TJP2: variants seen among roughly 807,000 people sequenced by gnomAD.
TJP2 encodes the protein Friedreich ataxia region gene X104 (tight junction protein ZO-2).
A neutral mutation model predicts 133.1 loss-of-function variants in TJP2; 91 were observed. That is an observed-to-expected ratio of 0.68 (90% CI 0.58 to 0.81). TJP2 has a LOEUF of 0.81. Ranked by LOEUF, TJP2 falls within the 40% of genes least tolerant of loss-of-function variation. The pLI, the probability that TJP2 is intolerant of heterozygous loss-of-function variation, is 0.00. For synonymous variants in TJP2, 592 were observed against 583.4 expected, an observed-to-expected ratio of 1.01 and a Z score of -0.21; for missense variants, 1,541 against 1,565.6, an observed-to-expected ratio of 0.98 and a Z score of 0.26.
chr9:69,153,399 A>G (rs937472237), intron 2 of TJP2, among the ~76,000 whole-genome samples: 1 of 152,102 alleles, frequency 6.6e-6, no homozygotes, highest in Admixed American at 6.5e-5. Context: ...CCCGGGCAAC[A>G]TGGCGAAACC....
chr9:69,251,201 C>T lies in TJP2; in HGVS notation c.3158C>T (p.Ser1053Phe). 1 of 1,614,144 alleles carries T rather than the reference C, an allele frequency of 6.2e-7. No homozygotes were observed. The highest frequency in any genetic ancestry group is 1.1e-5 in the South Asian group (1 of 91,068). The change falls in exon 21 of 23, where the codon TCC becomes TTC. Residue 1053 changes from serine to phenylalanine, a missense_variant. By Grantham distance (155) the Ser-to-Phe change is radical (BLOSUM62 -2). Transcript: ENST00000377245. Reference protein sequence around the residue: ...PTFGRSILKPSTPIPPQEGEE... With the variant: ...PTFGRSILKPFTPIPPQEGEE... ...TTTGGGCGGTCTATACTGAAGCCCT[C>T]CACTCCCATCCCTCCTCAAGAGGGT...
intron 2 of TJP2, among the ~76,000 whole-genome samples, chr9:69,214,120 C>T (rs1371905372): frequency 3.9e-5 from 6 of 152,138 alleles, no homozygotes; most frequent in Admixed American, 3.3e-4. Context: ...GAGTCTCATT[C>T]AGTTGCCCAG....
intron 1 of TJP2, among the ~76,000 whole-genome samples, chr9:69,200,042 A>T (rs1826873344): frequency 6.6e-6 from 1 of 152,016 alleles, no homozygotes; most frequent in Non-Finnish European, 1.5e-5. Flanking sequence ...CCCATTTCTG[A>T]GGTGAATATG....
chr9:69,231,846 G>T (rs1829809549), intron 11 of TJP2, among the ~76,000 whole-genome samples: 1 of 152,116 alleles, frequency 6.6e-6, no homozygotes. Context: ...GCTCATACCA[G>T]TTTACTCTTT....
intron 20 of TJP2, chr9:69,249,804 A>C: frequency 1.0e-6 from 1 of 962,528 alleles, no homozygotes; most frequent in Non-Finnish European, 1.2e-6. Context: ...AGAATCACCA[A>C]TCGCAGAACG....
Position 69,248,157 on chromosome 9 carries a change from A to G in TJP2, c.2813A>G (p.Asp938Gly). Reference protein sequence around the residue: ...EGGAYTDNELDEPAEEPLVSS... With the variant: ...EGGAYTDNELGEPAEEPLVSS... ...GGCGCCTACACTGACAATGAGCTGG[A>G]TGAGCCAGCCGAGGAGCCGCTGGTG... is the stretch of plus-strand genomic sequence containing the variant. The change falls in exon 19 of 23, where the codon GAT (aspartate) becomes GGT (glycine). Residue 938 changes from aspartate (D) to glycine (G), a missense_variant. Physicochemically the swap from Asp to Gly is moderately conservative, Grantham distance 94. Transcript: ENST00000377245. The G allele has an allele frequency of 3.1e-6, 5 of 1,613,618 alleles. No homozygotes were observed. Among genetic ancestry groups the G allele is most frequent in the Non-Finnish European group, 2.5e-6 (3 of 1,179,882 alleles).
chr9:69,165,776 C>T (rs1447817285), intron 2 of TJP2, among the ~76,000 whole-genome samples: 1 of 152,174 alleles, frequency 6.6e-6, no homozygotes, highest in African/African-American at 2.4e-5. Context: ...CCCAGGGTGT[C>T]CTGCCAGGAA....
intron 1 of TJP2, among the ~76,000 whole-genome samples, chr9:69,190,786 A>G (rs1246439039): frequency 6.6e-6 from 1 of 152,204 alleles, no homozygotes; most frequent in African/African-American, 2.4e-5. Context: ...TTGGCAAGCT[A>G]CATATAGCCA....
chr9:69,140,485 G>A (rs1408894032), intron 1 of TJP2, among the ~76,000 whole-genome samples: 1 of 152,072 alleles, frequency 6.6e-6, no homozygotes, highest in Non-Finnish European at 1.5e-5. Context: ...GTGCAGCGTG[G>A]GATCATGTGA....
Position 69,254,646 on chromosome 9 carries a change from A to G in TJP2, c.*272A>G. 1.7e-6 allele frequency: 1 copy of G among 597,602 alleles called. No homozygotes were observed. The highest frequency in any genetic ancestry group is 3.0e-6 in the Non-Finnish European group (1 of 334,614). The allele number at this position is 597,602 out of a possible 1,614,324, so 37.0% of individuals were successfully genotyped here. A position where few individuals can be genotyped will look rare whatever the true frequency, so the allele number is the denominator to read the frequency against. ...CAGATCCTGTTACTTGCTTCAGTGG[A>G]CCGAAATCTGTATTCTGTTTGCGTA... On this transcript the variant is annotated 3_prime_UTR_variant, in exon 23 of 23. Transcript: ENST00000377245.
chr9:69,222,098 CT>C (rs1396946012), intron 5 of TJP2, among the ~76,000 whole-genome samples: 1 of 151,816 alleles, frequency 6.6e-6, no homozygotes, highest in Non-Finnish European at 1.5e-5. Context: ...TCTTGAACTT[CT>C]GACCTCAGGT....
At position 69,187,436 on chromosome 9, in the gene TJP2, C is replaced by T. The variant is rs563309654; in HGVS notation, c.60+13004C>T. ...AACTGGGATGCTGTCATTTCTGTTT[C>T]TCTGTCTCTTTCGTCTGTTCCAATT... is the stretch of plus-strand genomic sequence containing the variant. On this transcript the variant is annotated intron_variant, in intron 1 of 22. Transcript: ENST00000377245. 2.6e-5 allele frequency among the ~76,000 whole-genome samples: 4 copies of T among 152,334 alleles called. No individual in the cohort carries two copies. The South Asian group carries it at 8.3e-4, about 32-fold the overall frequency.
chr9:69,222,232 A>G (rs960616600), intron 5 of TJP2, among the ~76,000 whole-genome samples: 1 of 149,618 alleles, frequency 6.7e-6, no homozygotes, highest in Non-Finnish European at 1.5e-5. Context: ...TGGAGAGTGC[A>G]GTGGCATGAT....
chr9:69,208,428 A>G (rs1284412682), intron 1 of TJP2, among the ~76,000 whole-genome samples: 1 of 152,194 alleles, frequency 6.6e-6, no homozygotes, highest in Non-Finnish European at 1.5e-5. Flanking sequence ...TCTCTGACAA[A>G]TTTAATTTAA....
intron 3 of TJP2, among the ~76,000 whole-genome samples, chr9:69,217,499 G>T (rs1277201486): frequency 6.6e-6 from 1 of 152,162 alleles, no homozygotes; most frequent in Non-Finnish European, 1.5e-5. Context: ...CTTGAGGCCA[G>T]GTGTTCAAGA....
chr9:69,131,447 C>T (rs1378838108), intron 1 of TJP2, among the ~76,000 whole-genome samples: 2 of 152,172 alleles, frequency 1.3e-5, no homozygotes, highest in African/African-American at 4.8e-5. Context: ...TCTTCCCACT[C>T]ACGTCACAAA....
intron 2 of TJP2, among the ~76,000 whole-genome samples, chr9:69,153,580 C>T (rs1000132156): frequency 4.6e-5 from 7 of 151,488 alleles, no homozygotes; most frequent in Non-Finnish European, 8.8e-5. Flanking sequence ...GAAACTGTCT[C>T]AAAAAAGAAA....
intron 1 of TJP2, among the ~76,000 whole-genome samples, chr9:69,192,008 G>T (rs1826236582): frequency 6.6e-6 from 1 of 152,014 alleles, no homozygotes; most frequent in Non-Finnish European, 1.5e-5. Context: ...AAAGTGCTGG[G>T]ATTACAGGCG....
intron 19 of TJP2, chr9:69,248,470 G>T (rs559885594): frequency 2.2e-6 from 3 of 1,345,716 alleles, no homozygotes; most frequent in Non-Finnish European, 2.9e-6. Context: ...CCTCAGGTGC[G>T]ATGGATAAAC....
Sources: gnomAD v4.1 joint callset for allele counts (sites outside exome capture counted in the v4.1 genomes callset) on GRCh38, gnomAD v4.1.1 for gene constraint, MANE v1.5 for transcripts, NCBI Gene and HGNC (gene_info 2026-07-23, HGNC 2026-07-21) for gene names.